PCDHA3: variants seen among roughly 807,000 people sequenced by gnomAD.
PCDHA3 encodes protocadherin alpha-3.
PCDHA3 carries 41 observed loss-of-function variants against 62.2 expected under a neutral mutation model. That is an observed-to-expected ratio of 0.66 (90% CI 0.51 to 0.86). The LOEUF is 0.86. PCDHA3 is among the 40% of genes least tolerant of loss of function. The pLI, the probability that PCDHA3 is intolerant of heterozygous loss-of-function variation, is 0.00. For synonymous variants in PCDHA3, 640 were observed against 555.4 expected (o/e 1.15, Z -2.14); for missense variants, 1,304 against 1,241.2 (o/e 1.05, Z -0.76).
Position 140,801,090 on chromosome 5 carries a change from C to T in PCDHA3, c.-108C>T, listed in dbSNP as rs781796014. The T allele has an allele frequency of 7.6e-5, 113 of 1,493,970 alleles. No individual in the cohort carries two copies. Among genetic ancestry groups the T allele is most frequent in the Non-Finnish European group, 9.4e-5 (106 of 1,128,812 alleles). 92.5% of individuals were successfully genotyped at this position (1,493,970 alleles called of 1,614,324 possible). ...TTCAGATACTGCTTTGCTTCATCCT[C>T]TCTAAAATTTAACACCGAGGAGTTT... On this transcript the variant is annotated 5_prime_UTR_variant, in exon 1 of 4. Transcript: ENST00000522353.
intron 1 of PCDHA3, among the ~76,000 whole-genome samples, chr5:140,945,495 C>A (rs1585197828): frequency 6.6e-6 from 1 of 152,022 alleles, no homozygotes; most frequent in East Asian, 1.9e-4. Context: ...ATACCCAAAG[C>A]AATATTGAGC....
intron 1 of PCDHA3, among the ~76,000 whole-genome samples, chr5:140,974,396 G>A (rs1413050341): frequency 6.6e-6 from 1 of 152,178 alleles, no homozygotes; most frequent in Non-Finnish European, 1.5e-5. Context: ...CATTAGGTAT[G>A]TTCTAAAGTT....
At chr5:140,966,922 G>C (rs782206344) in intron 1 of PCDHA3, 7 of 1,602,954 alleles carry the variant, frequency 4.4e-6, no homozygotes, top group Non-Finnish European at 5.9e-6. Context: ...CAGAGGAGCA[G>C]GCACCCGGCG....
intron 1 of PCDHA3, chr5:140,803,935 T>C (rs1763306574): frequency 2.5e-6 from 1 of 405,890 alleles, no homozygotes. Flanking sequence ...TACTTATCCC[T>C]ATACAATGCT....
rs1554122326 is a variant in PCDHA3 at position 140,802,740 on chromosome 5, G to A, written c.1543G>A (p.Gly515Ser). ...CTACGTGTCGGTACACGCGGAGAGC[G>A]GCAAGGTGTACGCGCTGCAGCCGCT... ...SSYVSVHAES[G>S]KVYALQPLDH... The change falls in exon 1 of 4, where the codon GGC (glycine) becomes AGC (serine). Residue 515 changes from glycine (G) to serine (S), a missense_variant. Coordinates refer to ENST00000522353, the MANE Select transcript of PCDHA3 (RefSeq NM_018906.3). 2.5e-6 allele frequency: 4 copies of A among 1,612,598 alleles called. No individual in the cohort carries two copies. Among genetic ancestry groups the A allele is most frequent in the South Asian group, 1.1e-5 (1 of 91,024 alleles).
chr5:140,835,527 A>T, intron 1 of PCDHA3: 1 of 1,613,968 alleles, frequency 6.2e-7, no homozygotes, highest in Non-Finnish European at 8.5e-7. Context: ...TTTTGGAGTC[A>T]ACGGACAGGT....
Position 140,882,403 on chromosome 5 carries a change from G to A in PCDHA3, c.2394+78812G>A, listed in dbSNP as rs536389638. ...AGGAAGCAAAACACGGCACCTTCGTGGGCCGCATCGCTCAGGACCTGGGGC... is the reference window on the plus strand; with the variant it reads ...AGGAAGCAAAACACGGCACCTTCGTAGGCCGCATCGCTCAGGACCTGGGGC... On this transcript the variant is annotated intron_variant, in intron 1 of 3. Transcript: ENST00000522353. 1.9e-5 allele frequency: 31 copies of A among 1,614,168 alleles called. No homozygotes were observed. In the South Asian group the frequency reaches 3.3e-4, roughly 17 times the overall value.
chr5:140,834,900 A>C (rs1299634781), intron 1 of PCDHA3: 1 of 1,599,980 alleles, frequency 6.3e-7, no homozygotes, highest in Non-Finnish European at 8.5e-7. Flanking sequence ...TTACAGACTG[A>C]GCCCCAATGA....
In PCDHA3 at chr5:140,991,828, C is replaced by T. The variant is rs1554252431; in HGVS notation, c.2542+9265C>T. Among the ~76,000 whole-genome samples, 6 of 152,168 alleles carry T rather than the reference C, an allele frequency of 3.9e-5. No homozygotes were observed. The South Asian group carries it at 6.2e-4, about 16-fold the overall frequency. The stretch of plus-strand genomic sequence containing the variant: ...CTTCCGCATTTTTAGGCATTTATAA[C>T]GGCAGAACCGCACTTCCAGATACCA... On this transcript the variant is annotated intron_variant, in intron 3 of 3. Transcript: ENST00000522353.
chr5:140,853,842 C>T lies in PCDHA3; in HGVS notation c.2394+50251C>T. On this transcript the variant is annotated intron_variant, in intron 1 of 3. Coordinates refer to ENST00000522353, the MANE Select transcript of PCDHA3 (RefSeq NM_018906.3). ...TTCTCATACAACCGAAATTTTAGATCCATAGCCCTATTTGATACTTGACAG... is the reference window on the plus strand; with the variant it reads ...TTCTCATACAACCGAAATTTTAGATTCATAGCCCTATTTGATACTTGACAG... 7.1e-6 allele frequency: 7 copies of T among 986,448 alleles called. 1 individual carries two copies. The highest frequency in any genetic ancestry group is 8.6e-6 in the Non-Finnish European group (7 of 818,538). The allele number at this position is 986,448 out of a possible 1,614,324, so 61.1% of individuals were successfully genotyped here. A position where few individuals can be genotyped will look rare whatever the true frequency, so the allele number is the denominator to read the frequency against.
intron 1 of PCDHA3, chr5:140,882,678 A>G: frequency 6.2e-7 from 1 of 1,614,250 alleles, no homozygotes; most frequent in East Asian, 2.2e-5. Flanking sequence ...CCTGAAAGCA[A>G]GAAACGAATA....
intron 1 of PCDHA3, chr5:140,835,619 T>C: frequency 1.2e-6 from 2 of 1,613,890 alleles, no homozygotes; most frequent in African/African-American, 1.3e-5. Flanking sequence ...TGGACAGCGC[T>C]CTGGACCGCG....
chr5:140,843,802 G>A (rs2150366922), intron 1 of PCDHA3: 2 of 1,291,294 alleles, frequency 1.5e-6, no homozygotes, highest in South Asian at 1.4e-5. Flanking sequence ...GTTTTTCACC[G>A]TATTTTATAG....
intron 1 of PCDHA3, among the ~76,000 whole-genome samples, chr5:140,941,621 G>A (rs552509224): frequency 6.6e-6 from 1 of 151,808 alleles, no homozygotes; most frequent in South Asian, 2.1e-4. Context: ...AGCCCATCCT[G>A]CTTCTTAATT....
chr5:140,959,592 G>A (rs2095498598), intron 1 of PCDHA3, among the ~76,000 whole-genome samples: 2 of 152,162 alleles, frequency 1.3e-5, no homozygotes, highest in South Asian at 4.1e-4. Flanking sequence ...TATCAGCCAA[G>A]TATAACATGC....
rs781975666 is a variant in PCDHA3, at chr5:140,856,109, G to A, written c.2394+52518G>A. 6.9e-6 allele frequency: 11 copies of A among 1,597,740 alleles called. 1 individual carries two copies. The highest frequency in any genetic ancestry group is 4.0e-5 in the African/African-American group (3 of 74,230). On this transcript the variant is annotated intron_variant, in intron 1 of 3. Transcript: ENST00000522353. The stretch of plus-strand genomic sequence containing the variant: ...TCTGCTGCTCTCGCTTCTTCTCCTC[G>A]CAGCCTGGGAGGTGGGGAGCGGCCA...
intron 1 of PCDHA3, among the ~76,000 whole-genome samples, chr5:140,879,144 G>A (rs1309421547): frequency 6.6e-6 from 1 of 152,168 alleles, no homozygotes; most frequent in Non-Finnish European, 1.5e-5. Context: ...TGTGAAGGCA[G>A]GAAAGCTATT....
chr5:140,966,351 T>C (rs2095993357), intron 1 of PCDHA3: 1 of 397,668 alleles, frequency 2.5e-6, no homozygotes, highest in South Asian at 1.4e-4. Flanking sequence ...GTGAAGGAGA[T>C]GGGGCTGGAG....
chr5:140,969,128 A>T (rs140518271), intron 1 of PCDHA3: 11 of 1,614,040 alleles, frequency 6.8e-6, no homozygotes, highest in Non-Finnish European at 9.3e-6. Context: ...TGGCTCCCTC[A>T]CCAAGACCTA....
Sources: allele counts gnomAD v4.1 joint callset (sites outside exome capture counted in the v4.1 genomes callset), GRCh38; gene constraint gnomAD v4.1.1; transcripts MANE v1.5; gene names NCBI Gene and HGNC (gene_info 2026-07-23, HGNC 2026-07-21).